NARF: variants seen among roughly 807,000 people sequenced by gnomAD.
The protein encoded by NARF is iron-only hydrogenase-like protein 2.
In NARF, 41 loss-of-function variants were observed where a neutral mutation model predicts 48.0. That is an observed-to-expected ratio of 0.85 (90% CI 0.66 to 1.11). The LOEUF (loss-of-function observed/expected upper bound fraction) is 1.11, where lower values mean the gene tolerates loss of function less well. NARF is among the 50% of genes least tolerant of loss of function. NARF has a pLI of 0.00. For synonymous variants in NARF, 215 were observed against 225.5 expected (o/e 0.95, Z 0.42); for missense variants, 613 against 590.2 (o/e 1.04, Z -0.40).
rs1022254888 is a variant in NARF, at chr17:82,488,137, A to C, written c.1351A>C (p.Ser451Arg). 1 of 1,613,800 alleles carries C rather than the reference A, an allele frequency of 6.2e-7. No homozygotes were observed. The highest frequency in any genetic ancestry group is 1.7e-5 in the Admixed American group (1 of 59,998). The change falls in exon 11 of 11, where the codon AGC (serine) becomes CGC (arginine). Residue 451 changes from serine (S) to arginine (R), a missense_variant. Transcript: ENST00000309794. ...TYQSQERGTH[S>R]LDIKW The stretch of plus-strand genomic sequence containing the variant: ...CCAGAGCCAGGAGCGTGGCACACAC[A>C]GCCTGGACATCAAGTGGTGAAGTCA...
At chr17:82,480,542 T>G in intron 6 of NARF, 1 of 404,714 alleles carries the variant, frequency 2.5e-6, no homozygotes, top group Non-Finnish European at 4.4e-6. Flanking sequence ...GTGCTGGTGC[T>G]CGGTAGAGTT....
intron 1 of NARF, 117 bp downstream of exon 1, chr17:82,458,947 C>G (rs1254971443): frequency 1.6e-6 from 2 of 1,226,938 alleles, no homozygotes; most frequent in African/African-American, 3.1e-5. Flanking sequence ...TCAAGGCGCC[C>G]CCGGCCTCGG....
chr17:82,464,380 C>G lies in NARF; in HGVS notation c.202C>G (p.Leu68Val). 1 of 1,614,106 alleles carries G rather than the reference C, an allele frequency of 6.2e-7. No individual in the cohort carries two copies. Among genetic ancestry groups the G allele is most frequent in the Non-Finnish European group, 8.5e-7 (1 of 1,179,960 alleles). ...TATGACTGCAGAGGAAGGAGTCCAACTTTCCCAGCAAAATGCCAAGGACTT... is the reference window on the plus strand; with the variant it reads ...TATGACTGCAGAGGAAGGAGTCCAAGTTTCCCAGCAAAATGCCAAGGACTT... ...SCMTAEEGVQ[L>V]SQQNAKDFFR... is the part of the protein sequence containing the mutation. Residue 68 changes from leucine (L) to valine (V), a missense_variant, in exon 3 of 11, where the codon CTT becomes GTT. Coordinates refer to ENST00000309794, the MANE Select transcript of NARF (RefSeq NM_012336.4).
chr17:82,480,824 C>G, intron 6 of NARF: 1 of 516,502 alleles, frequency 1.9e-6, no homozygotes, highest in South Asian at 2.4e-5. Context: ...CCCAGCTACT[C>G]GGGAGGCTGA....
At position 82,458,792 on chromosome 17, in the gene NARF, G is replaced by A. The variant is rs996900758; in HGVS notation, c.-12G>A. 8 of 1,462,720 alleles carry A rather than the reference G, an allele frequency of 5.5e-6. No individual in the cohort carries two copies. The highest frequency in any genetic ancestry group is 7.2e-6 in the Non-Finnish European group (8 of 1,114,820). The allele number at this position is 1,462,720 out of a possible 1,614,324, so 90.6% of individuals were successfully genotyped here. A position where few individuals can be genotyped will look rare whatever the true frequency, so the allele number is the denominator to read the frequency against. ...GGCTGAGGCGCCCGGCCTCCCGCCC[G>A]CCGCGCTCCAGATGAAGTGTGAGCA... On this transcript the variant is annotated 5_prime_UTR_variant, in exon 1 of 11. Coordinates refer to ENST00000309794, the MANE Select transcript of NARF (RefSeq NM_012336.4).
chr17:82,483,846 G>A (rs2044031408), intron 8 of NARF, 67 bp downstream of exon 8: 1 of 1,479,470 alleles, frequency 6.8e-7, no homozygotes, highest in South Asian at 1.1e-5. Context: ...CCAGCCACCT[G>A]CCAGGCCCAG....
intron 8 of NARF, 61 bp from the exon 9 acceptor site, chr17:82,484,752 A>C (rs1022652453): frequency 6.6e-7 from 1 of 1,504,958 alleles, no homozygotes; most frequent in Non-Finnish European, 8.9e-7. Context: ...GTCTGGTTTC[A>C]CTCTTTCTGT....
chr17:82,468,305 CTGTTT>C (rs1567932544), intron 3 of NARF, among the ~76,000 whole-genome samples: 1 of 146,638 alleles, frequency 6.8e-6, no homozygotes, highest in African/African-American at 2.6e-5. Context: ...GGGTGAAACT[CTGTTT>C]TTTTTTTTTT....
In NARF at chr17:82,480,947, AAAG is replaced by A. The variant is rs1214338973; in HGVS notation, c.640-133_640-131del. The A allele has an allele frequency of 3.9e-3, 4,203 of 1,083,846 alleles. 7 individuals carry two copies. Among genetic ancestry groups the A allele is most frequent in the Admixed American group, 7.9e-3 (311 of 39,228 alleles). 67.1% of individuals were successfully genotyped at this position (1,083,846 alleles called of 1,614,324 possible). A position where few individuals can be genotyped will look rare whatever the true frequency, so the allele number is the denominator to read the frequency against. ...CTCCATTTCAAAAAAAAAAAAAAAA[AAAG>A]AGTGCAGCATGCAGTGTCTGGAGGG... On this transcript the variant is annotated intron_variant, in intron 6 of 10. Transcript: ENST00000309794.
intron 7 of NARF, chr17:82,482,496 C>A (rs754620746): frequency 8.6e-6 from 1 of 116,476 alleles, no homozygotes; most frequent in African/African-American, 5.0e-5. Context: ...TAGGAAATTA[C>A]GCTATTTTCT....
intron 6 of NARF, chr17:82,480,286 C>A: frequency 2.6e-6 from 1 of 391,144 alleles, no homozygotes; most frequent in Non-Finnish European, 4.5e-6. Context: ...GTAGCCAGCG[C>A]GCGCACACAC....
chr17:82,464,903 A>G (rs771633085), intron 3 of NARF, among the ~76,000 whole-genome samples: 6 of 152,214 alleles, frequency 3.9e-5, no homozygotes, highest in Non-Finnish European at 7.3e-5. Context: ...CAGACCTCCT[A>G]TACAGAACGA....
chr17:82,484,730 T>C, intron 8 of NARF, 83 bp from the exon 9 acceptor site: 4 of 1,468,866 alleles, frequency 2.7e-6, no homozygotes, highest in Non-Finnish European at 3.6e-6. Context: ...TGGATTGTGA[T>C]GCCCTCAGGA....
chr17:82,478,688 G>T, intron 5 of NARF, 112 bp from the exon 6 acceptor site: 2 of 1,114,166 alleles, frequency 1.8e-6, no homozygotes, highest in African/African-American at 1.5e-5. Flanking sequence ...GGGAAAAGGT[G>T]TTCTGGCTTC....
chr17:82,474,000 A>G (rs2043776311), intron 5 of NARF, among the ~76,000 whole-genome samples: 1 of 152,014 alleles, frequency 6.6e-6, no homozygotes, highest in African/African-American at 2.4e-5. Context: ...TCTCGTCAAC[A>G]TAGTGAGACC....
At position 82,471,791 on chromosome 17, in the gene NARF, C is replaced by CAAAAAAAAAAA. The variant is rs58302009; in HGVS notation, c.386-767_386-757dup. Among the ~76,000 whole-genome samples, 90 of 64,524 alleles carry CAAAAAAAAAAA rather than the reference C, an allele frequency of 1.4e-3. 3 individuals are homozygous for CAAAAAAAAAAA. Among genetic ancestry groups the CAAAAAAAAAAA allele is most frequent in the Non-Finnish European group, 1.8e-3 (60 of 33,584 alleles). The allele number at this position is 64,524 out of a possible 152,430, so 42.3% of individuals were successfully genotyped here. A position where few individuals can be genotyped will look rare whatever the true frequency, so the allele number is the denominator to read the frequency against. ...TGCGCGAAAGAGTGAGACTCCGTCT[C>CAAAAAAAAAAA]AAAAAAAAAAAAAAAAGTATGCCCA... On this transcript the variant is annotated intron_variant, in intron 4 of 10. Coordinates refer to ENST00000309794, the MANE Select transcript of NARF (RefSeq NM_012336.4).
At chr17:82,462,529 G>C (rs950919500) in intron 2 of NARF, 2 of 152,582 alleles carry the variant, frequency 1.3e-5, no homozygotes, top group African/African-American at 2.4e-5. Context: ...GAGTGATAGA[G>C]ACAGAACAGA....
chr17:82,470,656 G>A (rs12600876), intron 4 of NARF, among the ~76,000 whole-genome samples: 20,968 of 151,368 alleles, frequency 0.14, 1,813 homozygotes, highest in Admixed American at 0.27. Flanking sequence ...CACCACGCCC[G>A]GCTAATTTTT....
chr17:82,459,226 C>T, intron 1 of NARF: 4 of 1,008,420 alleles, frequency 4.0e-6, no homozygotes, highest in East Asian at 8.5e-5. Flanking sequence ...GGTGCAGGGG[C>T]GGAAGCGGGT....
Sources: gnomAD v4.1 joint callset for allele counts (sites outside exome capture counted in the v4.1 genomes callset) on GRCh38, gnomAD v4.1.1 for gene constraint, MANE v1.5 for transcripts, NCBI Gene and HGNC (gene_info 2026-07-23, HGNC 2026-07-21) for gene names.